HFM1: variants seen among roughly 807,000 people sequenced by gnomAD.
HFM1 encodes the protein helicase for meiosis 1, also known as probable ATP-dependent DNA helicase HFM1.
A neutral mutation model predicts 192.1 loss-of-function variants in HFM1; 169 were observed. The ratio of observed to expected loss-of-function variants is 0.88; its 90% confidence interval spans 0.78 to 1.00. The LOEUF is 1.00. HFM1 is among the 50% of genes least tolerant of loss of function. HFM1 has a pLI of 0.00. For synonymous variants in HFM1, 525 were observed against 537.8 expected, an observed-to-expected ratio of 0.98 and a Z score of 0.33; for missense variants, 1,661 against 1,668.0, an observed-to-expected ratio of 1.00 and a Z score of 0.07.
intron 30 of HFM1, among the ~76,000 whole-genome samples, chr1:91,280,287 T>C (rs1386505675): frequency 6.6e-6 from 1 of 152,108 alleles, no homozygotes; most frequent in African/African-American, 2.4e-5. Context: ...GGATAGCATA[T>C]GCTAAAGCTC....
chr1:91,318,428 T>C (rs996296286), intron 25 of HFM1, among the ~76,000 whole-genome samples: 10 of 152,228 alleles, frequency 6.6e-5, no homozygotes, highest in Non-Finnish European at 1.5e-4. Flanking sequence ...CTGTCAGTGA[T>C]GAGATAGTAA....
chr1:91,302,117 G>A (rs951884330), intron 30 of HFM1, among the ~76,000 whole-genome samples: 1 of 150,478 alleles, frequency 6.6e-6, no homozygotes, highest in East Asian at 1.9e-4. Context: ...AAAGTGGTTC[G>A]TGAAGGATAT....
upstream of HFM1, chr1:91,404,873 C>T: frequency 6.6e-6 from 3 of 455,484 alleles, no homozygotes; most frequent in South Asian, 1.6e-5. Context: ...CCTGGCTAAG[C>T]CGAGCTCCAA....
chr1:91,280,488 C>T (rs1667363458), intron 30 of HFM1, among the ~76,000 whole-genome samples: 1 of 152,214 alleles, frequency 6.6e-6, no homozygotes. Flanking sequence ...TAAGACTCAA[C>T]TGTTGGCAGA....
intron 25 of HFM1, among the ~76,000 whole-genome samples, chr1:91,317,879 T>C (rs1410977216): frequency 1.3e-5 from 2 of 150,764 alleles, no homozygotes; most frequent in Non-Finnish European, 3.0e-5. Context: ...TTTTATATGA[T>C]TTTTTTTTTC....
chr1:91,339,411 T>G (rs949908019), intron 20 of HFM1, among the ~76,000 whole-genome samples: 9 of 151,858 alleles, frequency 5.9e-5, no homozygotes, highest in Non-Finnish European at 1.2e-4. Flanking sequence ...GTAAAATGAT[T>G]AACAGGTGAA....
chr1:91,296,712 G>C (rs1162599964), intron 30 of HFM1, among the ~76,000 whole-genome samples: 1 of 152,056 alleles, frequency 6.6e-6, no homozygotes, highest in Admixed American at 6.6e-5. Flanking sequence ...ATGATTTTTA[G>C]TTTTCATGTA....
At chr1:91,386,718 T>A (rs1410649252) in intron 4 of HFM1, among the ~76,000 whole-genome samples, 1 of 149,782 alleles carries the variant, frequency 6.7e-6, no homozygotes, top group Non-Finnish European at 1.5e-5. Context: ...GTATTTAAAT[T>A]TAACTGAAGT....
chr1:91,295,530 C>T (rs192306570), intron 30 of HFM1, among the ~76,000 whole-genome samples: 1 of 152,246 alleles, frequency 6.6e-6, no homozygotes, highest in African/African-American at 2.4e-5. Context: ...CACTAAGGAA[C>T]CCTATTTTAA....
intron 26 of HFM1, 59 bp from the exon 27 acceptor site, chr1:91,316,243 TA>T: frequency 2.6e-6 from 3 of 1,154,808 alleles, no homozygotes; most frequent in Non-Finnish European, 2.5e-6. Flanking sequence ...TTTAGTAAAA[TA>T]TTTTTTAGAA....
intron 13 of HFM1, among the ~76,000 whole-genome samples, chr1:91,364,169 ACC>A (rs1658913375): frequency 6.6e-6 from 1 of 152,034 alleles, no homozygotes; most frequent in African/African-American, 2.4e-5. Context: ...CTGCACATGT[ACC>A]CTTAAACTTA....
At chr1:91,348,325 T>C (rs974308805) in intron 18 of HFM1, among the ~76,000 whole-genome samples, 4 of 152,128 alleles carry the variant, frequency 2.6e-5, no homozygotes, top group Admixed American at 6.6e-5. Flanking sequence ...GCATACACCC[T>C]GAAGGAAAGG....
At chr1:91,382,388 C>T (rs1661656761) in intron 6 of HFM1, among the ~76,000 whole-genome samples, 2 of 152,102 alleles carry the variant, frequency 1.3e-5, no homozygotes, top group African/African-American at 4.8e-5. Context: ...CCACCCTCAT[C>T]CCAAGAATGT....
At position 91,262,359 on chromosome 1, in the gene HFM1, A is replaced by T; in HGVS notation, c.4120T>A (p.Ser1374Thr). 6.3e-7 allele frequency: 1 copy of T among 1,579,292 alleles called. No homozygotes were observed. The highest frequency in any genetic ancestry group is 1.4e-5 in the African/African-American group (1 of 73,560). Residue 1374 changes from serine to threonine, a missense_variant, in exon 38 of 39, where the codon TCA becomes ACA. Physicochemically the swap from Ser to Thr is moderately conservative, Grantham distance 58. Coordinates refer to ENST00000370425, the MANE Select transcript of HFM1 (RefSeq NM_001017975.6). ...HFQERKPQNL[S>T]PEIEKQCFTF... is the part of the protein sequence containing the mutation. The stretch of plus-strand genomic sequence containing the variant: ...AAGCATTGCTTCTCAATCTCTGGTG[A>T]CAGATTTTGTGGTTTTCTTTCTTGA...
At chr1:91,280,798 G>T (rs911266914) in intron 30 of HFM1, among the ~76,000 whole-genome samples, 1 of 152,170 alleles carries the variant, frequency 6.6e-6, no homozygotes, top group Non-Finnish European at 1.5e-5. Context: ...GTGGAATTGG[G>T]GATGTAAGCA....
intron 20 of HFM1, among the ~76,000 whole-genome samples, chr1:91,330,224 TAAAGAAA>T (rs2101496213): frequency 6.7e-6 from 1 of 149,382 alleles, no homozygotes; most frequent in South Asian, 2.1e-4. Context: ...TTTAAAGTTA[TAAAGAAA>T]AAAGTCAATA....
At chr1:91,288,422 C>T (rs1171526414) in intron 30 of HFM1, among the ~76,000 whole-genome samples, 4 of 138,326 alleles carry the variant, frequency 2.9e-5, no homozygotes, top group East Asian at 2.0e-4. Context: ...GGGTGTTTCT[C>T]GGGGAGGGGG....
chr1:91,364,921 C>A (rs975911917), intron 13 of HFM1, among the ~76,000 whole-genome samples: 2 of 151,836 alleles, frequency 1.3e-5, no homozygotes, highest in Admixed American at 6.6e-5. Flanking sequence ...GCGTGAGCCA[C>A]CGCGCCTGGT....
In HFM1 at chr1:91,318,109, G is replaced by A. The variant is rs1021685230; in HGVS notation, c.2812+969C>T. Among the ~76,000 whole-genome samples the A allele has an allele frequency of 7.9e-5, 12 of 152,162 alleles. No homozygotes were observed. The East Asian group carries it at 1.5e-3, about 20-fold the overall frequency. On this transcript the variant is annotated intron_variant, in intron 25 of 38. Transcript: ENST00000370425. Reference sequence around the variant, plus strand: ...GTTGTATGGAACCACCTTTCCAATTGAGAACTCTTGCCTTTGTGGGATGGA... The same window carrying A: ...GTTGTATGGAACCACCTTTCCAATTAAGAACTCTTGCCTTTGTGGGATGGA...
Sources: gnomAD v4.1 joint callset for allele counts (sites outside exome capture counted in the v4.1 genomes callset) on GRCh38, gnomAD v4.1.1 for gene constraint, MANE v1.5 for transcripts, NCBI Gene and HGNC (gene_info 2026-07-23, HGNC 2026-07-21) for gene names.